NLRP5: variants seen among roughly 807,000 people sequenced by gnomAD.
The protein encoded by NLRP5 is NLR family pyrin domain containing 5.
In NLRP5, 93 loss-of-function variants were observed where a neutral mutation model predicts 113.1. The observed-to-expected ratio is 0.82, with a 90% CI of 0.70 to 0.98. NLRP5 has a LOEUF of 0.98. NLRP5 is among the 50% of genes least tolerant of loss of function. The pLI, the probability that NLRP5 is intolerant of heterozygous loss-of-function variation, is 0.00. For synonymous variants in NLRP5, 751 were observed against 600.7 expected, an observed-to-expected ratio of 1.25 and a Z score of -3.66; for missense variants, 1,808 against 1,514.3, an observed-to-expected ratio of 1.19 and a Z score of -3.22.
chr19:56,018,618 T>G (rs187799473), intron 4 of NLRP5: 2 of 152,326 alleles, frequency 1.3e-5, no homozygotes, highest in South Asian at 4.1e-4. Flanking sequence ...AGAGAGAGTT[T>G]TGCTGTATTG....
rs761657995 is a variant in NLRP5 at position 56,053,694 on chromosome 19, C to T, written c.3185C>T (p.Ser1062Leu). The T allele has an allele frequency of 5.0e-6, 8 of 1,613,794 alleles. No homozygotes were observed. The highest frequency in any genetic ancestry group is 3.3e-5 in the South Asian group (3 of 91,066). Residue 1062 changes from serine (S) to leucine (L), a missense_variant, in exon 13 of 15, where the codon TCG becomes TTG. By Grantham distance (145) the Ser-to-Leu change is moderately radical (BLOSUM62 -2). Transcript: ENST00000390649. ...TGTGAGAGTCTGTCCTGTGTGATCT[C>T]GAGGAGCAGACACCTGAAGAGCCTG...
In NLRP5 at chr19:56,050,502, C is replaced by T; in HGVS notation, c.3042C>T (p.Ser1014=). 6.2e-7 allele frequency: 1 copy of T among 1,613,892 alleles called. No homozygotes were observed. ...GTAACTCATGGCTGACGCACCTGAG[C>T]CTTAGCATGAACCCTGTGGAAGACA... Residue 1014 remains serine (S), a synonymous_variant, in exon 12 of 15, where the codon AGC becomes AGT. Transcript: ENST00000390649.
rs1245529529 is a variant in NLRP5, at chr19:56,040,957, A to T, written c.2822A>T (p.Gln941Leu). 1 of 1,613,938 alleles carries T rather than the reference A, an allele frequency of 6.2e-7. No homozygotes were observed. The highest frequency in any genetic ancestry group is 1.7e-5 in the Admixed American group (1 of 60,018). ...TGTGGCATCACAGCCACGGGTTGCCAGAGTCTGGCCTCAGCCCTCGTCAGC... is the reference window on the plus strand; with the variant it reads ...TGTGGCATCACAGCCACGGGTTGCCTGAGTCTGGCCTCAGCCCTCGTCAGC... The change falls in exon 11 of 15, where the codon CAG becomes CTG. Residue 941 changes from glutamine (Q) to leucine (L), a missense_variant. Gln to Leu is a moderately radical substitution (Grantham distance 113, BLOSUM62 -2). Coordinates refer to ENST00000390649, the MANE Select transcript of NLRP5 (RefSeq NM_153447.4).
chr19:55,999,384 T>C (rs1981531028), upstream of NLRP5, among the ~76,000 whole-genome samples: 1 of 151,818 alleles, frequency 6.6e-6, no homozygotes, highest in African/African-American at 2.4e-5. Flanking sequence ...CTGGCTAATT[T>C]TTTGTATTTT....
At chr19:56,050,617 T>A (rs1983898924) in intron 12 of NLRP5, 29 bp downstream of exon 12, 1 of 1,605,222 alleles carries the variant, frequency 6.2e-7, no homozygotes, top group Non-Finnish European at 8.5e-7. Flanking sequence ...TTGGGTCAAC[T>A]CTATCATACT....
chr19:55,998,678 A>AG (rs1568478146), upstream of NLRP5, among the ~76,000 whole-genome samples: 4 of 73,154 alleles, frequency 5.5e-5, no homozygotes, highest in African/African-American at 2.5e-4. Context: ...GTGTGTATAT[A>AG]TATATATATA....
intron 1 of NLRP5, among the ~76,000 whole-genome samples, chr19:56,002,049 C>G (rs947846495): frequency 6.6e-6 from 1 of 152,170 alleles, no homozygotes; most frequent in Admixed American, 6.6e-5. Context: ...TCAATGTCAT[C>G]ATAGACCAGG....
rs1437510120 is a variant in NLRP5 at position 56,043,746 on chromosome 19, T to G, written c.2957+2654T>G. Among the ~76,000 whole-genome samples the G allele has an allele frequency of 2.6e-5, 4 of 151,016 alleles. No individual in the cohort carries two copies. The East Asian group carries it at 8.1e-4, about 31-fold the overall frequency. On this transcript the variant is annotated intron_variant, in intron 11 of 14. Coordinates refer to ENST00000390649, the MANE Select transcript of NLRP5 (RefSeq NM_153447.4). Reference sequence around the variant, plus strand: ...CACCACCACACCCGGCTAATTTTTTTGTGTGTGTTTTTAGTAGAGACAGGG... The same window carrying G: ...CACCACCACACCCGGCTAATTTTTTGGTGTGTGTTTTTAGTAGAGACAGGG...
At chr19:56,053,455 T>G (rs573801429) in intron 12 of NLRP5, among the ~76,000 whole-genome samples, 183 bp from the exon 13 acceptor site, 2 of 152,228 alleles carry the variant, frequency 1.3e-5, no homozygotes, top group South Asian at 4.1e-4. Flanking sequence ...TTTCCCCGCC[T>G]CCGCTATCAT....
At chr19:56,019,149 G>C (rs1009330240) in intron 4 of NLRP5, 193 bp from the exon 5 acceptor site, 4 of 639,028 alleles carry the variant, frequency 6.3e-6, no homozygotes, top group Non-Finnish European at 1.1e-5. Context: ...ATGAGCCTGG[G>C]ACCCTCACCC....
chr19:56,056,322 C>T (rs953334316), intron 13 of NLRP5, among the ~76,000 whole-genome samples: 16 of 151,840 alleles, frequency 1.1e-4, no homozygotes, highest in Admixed American at 4.6e-4. Context: ...CTATGGGAGG[C>T]TGAGGGGGGT....
chr19:55,991,109 A>G, the NLRP5 span, among the ~76,000 whole-genome samples: 2 of 151,984 alleles, frequency 1.3e-5, no homozygotes, highest in Non-Finnish European at 2.9e-5. Flanking sequence ...GACTTTAAAG[A>G]TTTGTTTGTT....
chr19:56,035,218 C>A (rs774680426), intron 9 of NLRP5, among the ~76,000 whole-genome samples: 3 of 152,136 alleles, frequency 2.0e-5, no homozygotes, highest in Non-Finnish European at 2.9e-5. Flanking sequence ...TATTCTGAGA[C>A]AGACAAGTAC....
Position 56,016,894 on chromosome 19 carries a change from C to T in NLRP5, c.565+1096C>T, listed in dbSNP as rs568818556. Among the ~76,000 whole-genome samples, 79 of 152,182 alleles carry T rather than the reference C, an allele frequency of 5.2e-4. 1 individual carries two copies. Among genetic ancestry groups the T allele is most frequent in the Non-Finnish European group, 5.6e-4 (38 of 68,006 alleles). On this transcript the variant is annotated intron_variant, in intron 4 of 14. Coordinates refer to ENST00000390649, the MANE Select transcript of NLRP5 (RefSeq NM_153447.4). The stretch of plus-strand genomic sequence containing the variant: ...CGCGATCTCAGCTCACTGCAAGCTC[C>T]GCCTCCTGGGTTCAAGTGATTCTCC...
Position 56,027,016 on chromosome 19 carries a change from G to A in NLRP5, c.783G>A (p.Pro261=), listed in dbSNP as rs991541099. 25 of 1,551,928 alleles carry A rather than the reference G, an allele frequency of 1.6e-5. No homozygotes were observed. The highest frequency in any genetic ancestry group is 3.3e-4 in the Middle Eastern group (2 of 6,014). Residue 261 remains proline (P), a synonymous_variant, in exon 7 of 15, where the codon CCG becomes CCA. Transcript: ENST00000390649. ...TTGAAAACACTGCTGCTGACTGGCC[G>A]GAAATGCAAACGTTGGCTGGTGCTT...
chr19:56,030,377 A>C (rs1365793821), intron 7 of NLRP5, among the ~76,000 whole-genome samples: 1 of 152,162 alleles, frequency 6.6e-6, no homozygotes, highest in Non-Finnish European at 1.5e-5. Context: ...CTCAAAAAAA[A>C]AAAATTCTCA....
intron 7 of NLRP5, among the ~76,000 whole-genome samples, chr19:56,031,622 G>T (rs939329373): frequency 9.6e-6 from 1 of 103,834 alleles, no homozygotes; most frequent in Non-Finnish European, 1.9e-5. Flanking sequence ...TAGAGACTCC[G>T]TCTCCAAAAA....
intron 2 of NLRP5, among the ~76,000 whole-genome samples, chr19:56,006,742 A>C (rs182123973): frequency 6.7e-6 from 1 of 149,918 alleles, no homozygotes; most frequent in Non-Finnish European, 1.5e-5. Context: ...TAAAATAAAA[A>C]TTTTTTTTTG....
intron 11 of NLRP5, among the ~76,000 whole-genome samples, chr19:56,048,880 C>G (rs536305090): frequency 6.6e-6 from 1 of 151,038 alleles, no homozygotes; most frequent in Non-Finnish European, 1.5e-5. Flanking sequence ...TAACATAATC[C>G]CAGACTTCTG....
Sources: gnomAD v4.1 joint callset for allele counts (sites outside exome capture counted in the v4.1 genomes callset) on GRCh38, gnomAD v4.1.1 for gene constraint, MANE v1.5 for transcripts, NCBI Gene and HGNC (gene_info 2026-07-23, HGNC 2026-07-21) for gene names.